The following NOL10 variants were observed in gnomAD, a reference collection of about 807,000 sequenced individuals.
The protein encoded by NOL10 is nucleolar protein 10, also known as H_NH0074G24.1.
NOL10 carries 58 observed loss-of-function variants against 103.5 expected under a neutral mutation model. The ratio of observed to expected loss-of-function variants is 0.56; its 90% CI spans 0.45 to 0.70. The LOEUF is 0.70. Among genes scored for constraint, NOL10 ranks in the 30% least tolerant of loss-of-function variants. NOL10 has a pLI of 0.00. For missense variants in NOL10, 763 were observed against 807.3 expected, an observed-to-expected ratio of 0.95 and a Z score of 0.67; for synonymous variants, 287 against 282.5, an observed-to-expected ratio of 1.02 and a Z score of -0.16.
intron 14 of NOL10, 78 bp from the exon 15 acceptor site, chr2:10,603,235 T>A: frequency 9.6e-7 from 1 of 1,037,552 alleles, no homozygotes. Flanking sequence ...TGGGCAACAA[T>A]TTGATTATAG....
chr2:10,588,893 C>A, intron 19 of NOL10, 150 bp downstream of exon 19: 1 of 1,181,894 alleles, frequency 8.5e-7, no homozygotes, highest in Non-Finnish European at 1.2e-6. Flanking sequence ...ACCTCCTGCA[C>A]GGCCTTACCT....
intron 6 of NOL10, among the ~76,000 whole-genome samples, chr2:10,669,239 G>A (rs1258923928): frequency 1.3e-5 from 2 of 151,184 alleles, no homozygotes. Context: ...ATGTTGGCCA[G>A]GCTGGTCTCA....
In NOL10 at chr2:10,600,721, G is replaced by A. The variant is rs1259448695; in HGVS notation, c.1422+132C>T. ...CTATTTTCCAGACTTCCCATCTTAA[G>A]CATATACTAATCTTATACGCAGGAA... On this transcript the variant is annotated intron_variant, in intron 17 of 20. Coordinates refer to ENST00000381685, the MANE Select transcript of NOL10 (RefSeq NM_024894.4). 7 of 629,910 alleles carry A rather than the reference G, an allele frequency of 1.1e-5. No homozygotes were observed. In the East Asian group the frequency reaches 2.1e-4, roughly 19 times the overall value. The allele number at this position is 629,910 out of a possible 1,614,324, so 39.0% of individuals were successfully genotyped here.
chr2:10,629,876 A>G (rs1677724195), intron 13 of NOL10, among the ~76,000 whole-genome samples: 1 of 152,240 alleles, frequency 6.6e-6, no homozygotes, highest in African/African-American at 2.4e-5. Flanking sequence ...TGCTCACACA[A>G]TGCCATAATT....
chr2:10,686,005 T>C (rs1195529790), intron 1 of NOL10, among the ~76,000 whole-genome samples: 1 of 151,470 alleles, frequency 6.6e-6, no homozygotes, highest in East Asian at 1.9e-4. Flanking sequence ...AAGGCTGAGG[T>C]GAGCCATGAT....
intron 3 of NOL10, among the ~76,000 whole-genome samples, chr2:10,678,215 A>T (rs1681467334): frequency 6.7e-6 from 1 of 149,858 alleles, no homozygotes; most frequent in African/African-American, 2.5e-5. Context: ...CTTTCAGCTA[A>T]TTTTTTTTTT....
chr2:10,623,927 ACT>A (rs1452942015), intron 13 of NOL10, among the ~76,000 whole-genome samples: 1 of 152,060 alleles, frequency 6.6e-6, no homozygotes, highest in Non-Finnish European at 1.5e-5. Flanking sequence ...AGCAACAGGA[ACT>A]CTCATTCACT....
At chr2:10,589,795 A>C in intron 17 of NOL10, 44 bp from the exon 18 acceptor site, 2 of 1,240,860 alleles carry the variant, frequency 1.6e-6, no homozygotes, top group Non-Finnish European at 2.1e-6. Flanking sequence ...TTAATATCTG[A>C]CTAAAATTTG....
intron 17 of NOL10, among the ~76,000 whole-genome samples, chr2:10,595,419 C>T (rs1289829811): frequency 6.6e-6 from 1 of 152,134 alleles, no homozygotes; most frequent in African/African-American, 2.4e-5. Context: ...ATCCTCCCAC[C>T]TCAGCCTCCT....
Position 10,589,668 on chromosome 2 carries a change from T to C in NOL10, c.1506A>G (p.Glu502=), listed in dbSNP as rs766762342. 87 of 1,590,748 alleles carry C rather than the reference T, an allele frequency of 5.5e-5. No individual in the cohort carries two copies. The South Asian group carries it at 8.7e-4, about 16-fold the overall frequency. ...PDFQVDEESE[E]FRLLNPLVSK... Reference sequence around the variant, plus strand: ...AAACAAGTGGATTCAGAAGCCTAAATTCTTCACTCTCTTCATCTACTTGGA... The same window carrying C: ...AAACAAGTGGATTCAGAAGCCTAAACTCTTCACTCTCTTCATCTACTTGGA... The change falls in exon 18 of 21, where the codon GAA becomes GAG. Residue 502 remains glutamate, a synonymous_variant. Coordinates refer to ENST00000381685, the MANE Select transcript of NOL10 (RefSeq NM_024894.4).
chr2:10,650,941 G>A (rs147706409), intron 12 of NOL10, among the ~76,000 whole-genome samples: 1,633 of 152,184 alleles, frequency 0.011, 26 homozygotes, highest in African/African-American at 0.037. Flanking sequence ...AACCACTGTC[G>A]TCAGTGGTGG....
At chr2:10,653,469 C>G (rs192140949) in intron 12 of NOL10, among the ~76,000 whole-genome samples, 282 of 152,270 alleles carry the variant, frequency 1.9e-3, no homozygotes, top group Admixed American at 5.1e-3. Context: ...TGTCCAAAAC[C>G]AATCTACCCT....
At chr2:10,665,101 T>G (rs1259647160) in intron 8 of NOL10, among the ~76,000 whole-genome samples, 1 of 152,238 alleles carries the variant, frequency 6.6e-6, no homozygotes, top group African/African-American at 2.4e-5. Flanking sequence ...CTCATTAATC[T>G]TTTAATATTA....
At chr2:10,628,901 A>T (rs1424260965) in intron 13 of NOL10, among the ~76,000 whole-genome samples, 1 of 152,164 alleles carries the variant, frequency 6.6e-6, no homozygotes, top group Non-Finnish European at 1.5e-5. Flanking sequence ...GCCATCCTAA[A>T]TGCATGGGGG....
rs1674148196 is a variant in NOL10, at chr2:10,570,960, T to C, written c.*1111A>G. ...GAAATGCTTGGGACCAGAAGTCTTT[T>C]AGACTTTGGTTTTTTTGTGTGTTTT... On this transcript the variant is annotated 3_prime_UTR_variant, in exon 21 of 21. Coordinates refer to ENST00000381685, the MANE Select transcript of NOL10 (RefSeq NM_024894.4). 6.6e-6 allele frequency: 1 copy of C among 151,876 alleles called. No homozygotes were observed. Among genetic ancestry groups the C allele is most frequent in the Non-Finnish European group, 1.5e-5 (1 of 68,022 alleles). The allele number at this position is 151,876 out of a possible 1,614,324, so 9.4% of individuals were successfully genotyped here. A position where few individuals can be genotyped will look rare whatever the true frequency, so the allele number is the denominator to read the frequency against.
chr2:10,635,480 G>A lies in NOL10; in HGVS notation c.1026+8840C>T, dbSNP rs1356795525. ...CCCTGAAATTCAAATTTAAGATGAA[G>A]GTGGGGGAGATTTTTACAAATCTAT... On this transcript the variant is annotated intron_variant, in intron 13 of 20. Coordinates refer to ENST00000381685, the MANE Select transcript of NOL10 (RefSeq NM_024894.4). 4.6e-5 allele frequency among the ~76,000 whole-genome samples: 7 copies of A among 152,302 alleles called. 1 individual carries two copies. The highest frequency in any genetic ancestry group is 4.6e-4 in the Admixed American group (7 of 15,296).
At chr2:10,651,174 G>A (rs988601956) in intron 12 of NOL10, among the ~76,000 whole-genome samples, 1 of 152,128 alleles carries the variant, frequency 6.6e-6, no homozygotes, top group African/African-American at 2.4e-5. Flanking sequence ...GCCTGCGGGG[G>A]CCAACAGATT....
intron 13 of NOL10, among the ~76,000 whole-genome samples, chr2:10,640,099 T>C (rs1678600560): frequency 6.6e-6 from 1 of 152,148 alleles, no homozygotes; most frequent in South Asian, 2.1e-4. Flanking sequence ...AGGGAAAAAG[T>C]TTTCAAACCT....
intron 7 of NOL10, 22 bp from the exon 8 acceptor site, chr2:10,667,300 A>G (rs1260965353): frequency 6.5e-7 from 1 of 1,547,060 alleles, no homozygotes; most frequent in Non-Finnish European, 8.8e-7. Context: ...AAGCAGTAAG[A>G]AAGAATGAAT....
Sources: allele counts gnomAD v4.1 joint callset (sites outside exome capture counted in the v4.1 genomes callset), GRCh38; gene constraint gnomAD v4.1.1; transcripts MANE v1.5; gene names NCBI Gene and HGNC (gene_info 2026-07-23, HGNC 2026-07-21).